The following IL6R variants were observed in gnomAD, a reference collection of about 807,000 sequenced individuals.
IL6R encodes interleukin 6 receptor, also known as interleukin-6 receptor subunit alpha.
IL6R carries 38 observed loss-of-function variants against 48.3 expected under a neutral mutation model. The ratio of observed to expected loss-of-function variants is 0.79; its 90% CI spans 0.61 to 1.03. The LOEUF is 1.03. IL6R is among the 50% of genes least tolerant of loss of function. The pLI, the probability that IL6R is intolerant of heterozygous loss-of-function variation, is 0.00. For synonymous variants in IL6R, 264 were observed against 256.2 expected (o/e 1.03, Z -0.29); for missense variants, 534 against 618.3 (o/e 0.86, Z 1.45).
At chr1:154,448,820 A>G (rs1425935612) in intron 7 of IL6R, among the ~76,000 whole-genome samples, 1 of 135,020 alleles carries the variant, frequency 7.4e-6, no homozygotes, top group Non-Finnish European at 1.6e-5. Context: ...TGAGCCTTGC[A>G]TTTGCTGTTT....
At chr1:154,454,414 T>G in intron 8 of IL6R, 74 bp from the exon 9 acceptor site, 1 of 992,588 alleles carries the variant, frequency 1.0e-6, no homozygotes, top group Non-Finnish European at 1.6e-6. Flanking sequence ...GCTAAGTGGT[T>G]TTCTTCTCCT....
Position 154,417,736 on chromosome 1 carries a change from AT to A in IL6R, c.86-11439del, listed in dbSNP as rs34478341. On this transcript the variant is annotated intron_variant, in intron 1 of 9. Coordinates refer to ENST00000368485, the MANE Select transcript of IL6R (RefSeq NM_000565.4). ...AGGCATGCACCACTATGCCCAGCTAATTTTTTTTTTTTTTTTTTTTTGAGAT... is the reference window on the plus strand; with the variant it reads ...AGGCATGCACCACTATGCCCAGCTAATTTTTTTTTTTTTTTTTTTTGAGAT... Among the ~76,000 whole-genome samples, 1,027 of 108,974 alleles carry A rather than the reference AT, an allele frequency of 9.4e-3. 17 individuals are homozygous for A. Among genetic ancestry groups the A allele is most frequent in the African/African-American group, 0.026 (742 of 28,644 alleles). 71.5% of individuals were successfully genotyped at this position (108,974 alleles called of 152,430 possible).
intron 1 of IL6R, among the ~76,000 whole-genome samples, chr1:154,409,399 G>T (rs1433045180): frequency 6.6e-6 from 1 of 152,128 alleles, no homozygotes; most frequent in African/African-American, 2.4e-5. Flanking sequence ...ATTTTGCATA[G>T]GTGATGGCTA....
intron 6 of IL6R, chr1:154,445,130 G>A: frequency 2.2e-6 from 1 of 456,200 alleles, no homozygotes; most frequent in Admixed American, 2.3e-5. Flanking sequence ...CCTCAGTGAG[G>A]TTTATTTATT....
intron 3 of IL6R, 142 bp downstream of exon 3, chr1:154,430,748 C>A: frequency 1.7e-6 from 2 of 1,144,914 alleles, no homozygotes; most frequent in Non-Finnish European, 2.5e-6. Context: ...TGAGAGGGAA[C>A]TGAGATTTAC....
At chr1:154,455,802 A>T (rs1690846433) in intron 9 of IL6R, among the ~76,000 whole-genome samples, 1 of 150,782 alleles carries the variant, frequency 6.6e-6, no homozygotes, top group South Asian at 2.1e-4. Flanking sequence ...CACGCTTGTA[A>T]TTCCATCACT....
intron 8 of IL6R, 122 bp downstream of exon 8, chr1:154,450,102 T>TTTTGTGTGTG: frequency 2.2e-6 from 1 of 463,488 alleles, no homozygotes; most frequent in Non-Finnish European, 4.0e-6. Flanking sequence ...CGCAGAAATG[T>TTTTGTGTGTG]TCTGTGTGTG....
intron 7 of IL6R, 26 bp from the exon 8 acceptor site, chr1:154,449,885 C>T: frequency 6.7e-7 from 1 of 1,490,664 alleles, no homozygotes. Flanking sequence ...CAGAAACAGG[C>T]TGATGGTGAG....
Position 154,452,561 on chromosome 1 carries a change from G to A in IL6R, c.1067-1927G>A, listed in dbSNP as rs370760249. On this transcript the variant is annotated intron_variant, in intron 8 of 9. Transcript: ENST00000368485. Reference sequence around the variant, plus strand: ...AAAAAACATTTGTTTGGCCGGGCGCGGTGGCTCACGCCTGTAATCCCAGCA... The same window carrying A: ...AAAAAACATTTGTTTGGCCGGGCGCAGTGGCTCACGCCTGTAATCCCAGCA... Among the ~76,000 whole-genome samples the A allele has an allele frequency of 2.3e-3, 344 of 152,058 alleles. 2 individuals are homozygous for A. Among genetic ancestry groups the A allele is most frequent in the African/African-American group, 7.5e-3 (309 of 41,476 alleles).
chr1:154,464,227 T>C (rs1422955134), intron 9 of IL6R, among the ~76,000 whole-genome samples: 1 of 151,690 alleles, frequency 6.6e-6, no homozygotes, highest in Admixed American at 6.6e-5. Context: ...CGATCTCAGC[T>C]CACTGCAACC....
rs1230551409 is a variant in IL6R at position 154,447,476 on chromosome 1, TACACAC to T, written c.950-627_950-622del. ...AAAAATATATATATATATATATATA[TACACAC>T]ACACACACACACACACACACATATA... is the stretch of plus-strand genomic sequence containing the variant. On this transcript the variant is annotated intron_variant, in intron 6 of 9. Coordinates refer to ENST00000368485, the MANE Select transcript of IL6R (RefSeq NM_000565.4). 2.9e-5 allele frequency among the ~76,000 whole-genome samples: 2 copies of T among 68,824 alleles called. 1 individual carries two copies. Among genetic ancestry groups the T allele is most frequent in the Admixed American group, 4.5e-4 (2 of 4,468 alleles). The allele number at this position is 68,824 out of a possible 152,430, so 45.2% of individuals were successfully genotyped here. A position where few individuals can be genotyped will look rare whatever the true frequency, so the allele number is the denominator to read the frequency against.
intron 1 of IL6R, among the ~76,000 whole-genome samples, chr1:154,410,725 T>TC (rs1300182098): frequency 6.6e-6 from 1 of 152,208 alleles, no homozygotes; most frequent in Admixed American, 6.5e-5. Flanking sequence ...GCCAGCTCTG[T>TC]CGGGTGCTTT....
chr1:154,455,103 G>A (rs942505811), intron 9 of IL6R, among the ~76,000 whole-genome samples: 2 of 152,148 alleles, frequency 1.3e-5, no homozygotes, highest in African/African-American at 4.8e-5. Flanking sequence ...TTGTTGAGAT[G>A]AGGTTTCATG....
intron 3 of IL6R, among the ~76,000 whole-genome samples, chr1:154,434,245 A>G (rs999136321): frequency 2.6e-5 from 4 of 151,982 alleles, no homozygotes; most frequent in Admixed American, 2.6e-4. Context: ...AGGGAGGCGG[A>G]GGTTGCAGTG....
chr1:154,448,600 G>T (rs1385624259), intron 7 of IL6R, among the ~76,000 whole-genome samples: 1 of 152,128 alleles, frequency 6.6e-6, no homozygotes, highest in Non-Finnish European at 1.5e-5. Flanking sequence ...TCCTCCTGTG[G>T]CCCTTAATTC....
chr1:154,433,623 C>G (rs1164488914), intron 3 of IL6R, among the ~76,000 whole-genome samples: 1 of 152,152 alleles, frequency 6.6e-6, no homozygotes, highest in Non-Finnish European at 1.5e-5. Flanking sequence ...ACTAGCTGAG[C>G]CCTCCAGCCT....
intron 8 of IL6R, among the ~76,000 whole-genome samples, chr1:154,451,708 G>A (rs921309599): frequency 6.6e-6 from 1 of 151,682 alleles, no homozygotes; most frequent in African/African-American, 2.4e-5. Context: ...GGCTAATTTT[G>A]TATTTTTAGT....
At position 154,429,447 on chromosome 1, in the gene IL6R, G is replaced by A. The variant is rs1386627783; in HGVS notation, c.334+3G>A. 3 of 1,605,844 alleles carry A rather than the reference G, an allele frequency of 1.9e-6. No homozygotes were observed. Among genetic ancestry groups the A allele is most frequent in the Non-Finnish European group, 2.6e-6 (3 of 1,173,292 alleles). On this transcript the variant is annotated splice_donor_region_variant and intron_variant, in intron 2 of 9. Transcript: ENST00000368485. The stretch of plus-strand genomic sequence containing the variant: ...GACTGTGCACTTGCTGGTGGATGGT[G>A]AGTTGTGCCTCAGAGGTCCCGGAGA...
At chr1:154,465,098 A>G in intron 9 of IL6R, 36 bp from the exon 10 acceptor site, 2 of 1,612,256 alleles carry the variant, frequency 1.2e-6, no homozygotes, top group African/African-American at 2.7e-5. Context: ...GGGAGCTAAA[A>G]ATCTGTGTGG....
Sources: gnomAD v4.1 joint callset for allele counts (sites outside exome capture counted in the v4.1 genomes callset) on GRCh38, gnomAD v4.1.1 for gene constraint, MANE v1.5 for transcripts, NCBI Gene and HGNC (gene_info 2026-07-23, HGNC 2026-07-21) for gene names.